The following ABCC11 variants were observed in gnomAD, a reference collection of about 807,000 sequenced individuals.
ABCC11 encodes ATP binding cassette subfamily C member 11.
In ABCC11, 135 loss-of-function variants were observed where a neutral mutation model predicts 149.3. The ratio of observed to expected loss-of-function variants is 0.90; its 90% CI spans 0.79 to 1.04. ABCC11 has a LOEUF of 1.04. ABCC11 is among the 50% of genes least tolerant of loss of function. The probability of loss-of-function intolerance (pLI) is 0.00; values close to 1 mark genes in which losing one functional copy is unlikely to be tolerated. For synonymous variants in ABCC11, 665 were observed against 671.4 expected (o/e 0.99, Z 0.15); for missense variants, 1,680 against 1,722.1 (o/e 0.98, Z 0.43).
At chr16:48,200,736 G>C (rs999527696) in intron 14 of ABCC11, among the ~76,000 whole-genome samples, 1 of 152,164 alleles carries the variant, frequency 6.6e-6, no homozygotes, top group Non-Finnish European at 1.5e-5. Flanking sequence ...GATTTTTGGG[G>C]GTAGGGAAGG....
chr16:48,230,661 TG>T, intron 2 of ABCC11, 88 bp from the exon 3 acceptor site: 1 of 1,352,124 alleles, frequency 7.4e-7, no homozygotes, highest in African/African-American at 1.5e-5. Context: ...CATGGAGAAA[TG>T]GATTTTTCCA....
rs370800309 is a variant in ABCC11 at position 48,211,203 on chromosome 16, T to C, written c.1357-4A>G. 6.2e-6 allele frequency: 10 copies of C among 1,611,574 alleles called. No homozygotes were observed. In the African/African-American group the frequency reaches 1.2e-4, roughly 19 times the overall value. ...GGCTCTCCTGGAGGAAAAACTTCTG[T>C]AAAGACAGAAAAAAATAGAGGGAGG... On this transcript the variant is annotated splice_polypyrimidine_tract_variant and splice_region_variant and intron_variant, in intron 10 of 29. Transcript: ENST00000356608.
intron 27 of ABCC11, 38 bp downstream of exon 27, chr16:48,170,851 C>A: frequency 1.3e-6 from 2 of 1,575,104 alleles, no homozygotes; most frequent in Non-Finnish European, 1.7e-6. Flanking sequence ...ATGGGCGATG[C>A]AGACTTAGAC....
At chr16:48,211,307 C>A in intron 10 of ABCC11, 108 bp from the exon 11 acceptor site, 1 of 1,376,262 alleles carries the variant, frequency 7.3e-7, no homozygotes, top group Non-Finnish European at 9.9e-7. Context: ...TTGTGAATTT[C>A]TAATAAGCAG....
chr16:48,235,973 G>A (rs1031482396), intron 1 of ABCC11, among the ~76,000 whole-genome samples: 2 of 152,166 alleles, frequency 1.3e-5, no homozygotes, highest in Non-Finnish European at 2.9e-5. Context: ...ATGCAGCAGG[G>A]TCTAGTGTCC....
chr16:48,173,222 C>T (rs1348007260), intron 26 of ABCC11, among the ~76,000 whole-genome samples: 1 of 152,058 alleles, frequency 6.6e-6, no homozygotes, highest in Non-Finnish European at 1.5e-5. Context: ...AAGGGTAGAG[C>T]CTTAAGTTCT....
chr16:48,245,022 C>T (rs1257592311), intron 1 of ABCC11, among the ~76,000 whole-genome samples: 3 of 152,158 alleles, frequency 2.0e-5, no homozygotes, highest in Non-Finnish European at 4.4e-5. Context: ...TCCCCACTGC[C>T]CTTTACTCCT....
At chr16:48,244,711 C>T (rs1971250285) in intron 1 of ABCC11, 4 of 976,284 alleles carry the variant, frequency 4.1e-6, no homozygotes, top group Admixed American at 4.3e-5. Context: ...GAGCGCGAGG[C>T]TCAGTTCGGG....
intron 27 of ABCC11, 152 bp from the exon 28 acceptor site, chr16:48,170,370 T>C: frequency 1.5e-6 from 1 of 663,906 alleles, no homozygotes; most frequent in East Asian, 2.6e-5. Flanking sequence ...TGCGCCTTGC[T>C]CACTCTCGTC....
intron 11 of ABCC11, among the ~76,000 whole-genome samples, chr16:48,208,896 A>G (rs1056473194): frequency 2.6e-5 from 4 of 152,208 alleles, no homozygotes; most frequent in Admixed American, 6.5e-5. Flanking sequence ...GCATTCATTT[A>G]TTGAAGCATT....
At position 48,187,004 on chromosome 16, in the gene ABCC11, T is replaced by G. The variant is rs1966786667; in HGVS notation, c.3020A>C (p.Gln1007Pro). 6.2e-7 allele frequency: 1 copy of G among 1,614,012 alleles called. No individual in the cohort carries two copies. The highest frequency in any genetic ancestry group is 1.3e-5 in the African/African-American group (1 of 74,908). ...PLFSHILNSL[Q>P]GLSSIHVYGK... is the part of the protein sequence containing the mutation. ...ATAGACATGGATGGAGCTCAGGCCTTGCAGAGAATTGAGGATGTGGGAGAA... is the reference window on the plus strand; with the variant it reads ...ATAGACATGGATGGAGCTCAGGCCTGGCAGAGAATTGAGGATGTGGGAGAA... The change falls in exon 22 of 30, where the codon CAA (glutamine) becomes CCA (proline). Residue 1007 changes from glutamine (Q) to proline (P), a missense_variant. Coordinates refer to ENST00000356608, the MANE Select transcript of ABCC11 (RefSeq NM_001370497.1).
intron 23 of ABCC11, among the ~76,000 whole-genome samples, chr16:48,181,172 T>G (rs2150747724): frequency 6.6e-6 from 1 of 152,326 alleles, no homozygotes; most frequent in East Asian, 1.9e-4. Flanking sequence ...TGGGCCTTAG[T>G]GATTCCGAAT....
At chr16:48,175,439 G>A in intron 25 of ABCC11, 22 bp from the exon 26 acceptor site, 3 of 1,594,344 alleles carry the variant, frequency 1.9e-6, no homozygotes, top group Non-Finnish European at 2.6e-6. Context: ...GAAACAAGCG[G>A]GGCCTCAGTT....
intron 20 of ABCC11, among the ~76,000 whole-genome samples, chr16:48,188,315 A>G (rs932357052): frequency 6.6e-6 from 1 of 152,188 alleles, no homozygotes; most frequent in Admixed American, 6.5e-5. Context: ...ACCCTCATGG[A>G]CTAAGCCCCA....
intron 22 of ABCC11, 76 bp downstream of exon 22, chr16:48,186,877 C>A: frequency 1.3e-6 from 2 of 1,560,338 alleles, no homozygotes; most frequent in Non-Finnish European, 1.7e-6. Context: ...ATGCCACTCC[C>A]AGACGCTCCA....
At chr16:48,216,046 A>C in intron 7 of ABCC11, 68 bp downstream of exon 7, 97 of 1,410,208 alleles carry the variant, frequency 6.9e-5, no homozygotes, top group Non-Finnish European at 8.0e-5. Context: ...ACTCAGAGCT[A>C]TCCCAGATTC....
chr16:48,188,894 C>T lies in ABCC11; in HGVS notation c.2707-1467G>A, dbSNP rs927948039. Among the ~76,000 whole-genome samples, 3 of 152,110 alleles carry T rather than the reference C, an allele frequency of 2.0e-5. No homozygotes were observed. The South Asian group carries it at 6.2e-4, about 32-fold the overall frequency. Reference sequence around the variant, plus strand: ...CAATGGCATTTATTAAAGCCAAACTCAAAGAAAGAGGAGGGAAGGACATTT... The same window carrying T: ...CAATGGCATTTATTAAAGCCAAACTTAAAGAAAGAGGAGGGAAGGACATTT... On this transcript the variant is annotated intron_variant, in intron 20 of 29. Transcript: ENST00000356608.
chr16:48,167,602 T>G lies in ABCC11; in HGVS notation c.3950A>C (p.Gln1317Pro). Residue 1317 changes from glutamine (Q) to proline (P), a missense_variant, in exon 29 of 30, where the codon CAG becomes CCG. Transcript: ENST00000356608. ...SIDMETDTLI[Q>P]RTIREAFQGC... ...CTGGAAGGCTTCACGGATTGTGCGC[T>G]GGATCAGGGTGTCTGTCTCCATGTC... is the stretch of plus-strand genomic sequence containing the variant. 1.9e-6 allele frequency: 3 copies of G among 1,612,458 alleles called. No individual in the cohort carries two copies. The highest frequency in any genetic ancestry group is 2.5e-6 in the Non-Finnish European group (3 of 1,180,014).
At chr16:48,223,221 A>G (rs576554532) in intron 5 of ABCC11, among the ~76,000 whole-genome samples, 3 of 152,256 alleles carry the variant, frequency 2.0e-5, no homozygotes, top group Non-Finnish European at 4.4e-5. Flanking sequence ...GGGCAAGAGC[A>G]GGAAGAGGTT....
Sources: allele counts gnomAD v4.1 joint callset (sites outside exome capture counted in the v4.1 genomes callset), GRCh38; gene constraint gnomAD v4.1.1; transcripts MANE v1.5; gene names NCBI Gene and HGNC (gene_info 2026-07-23, HGNC 2026-07-21).